Variants in C1GALT1 observed in about 807,000 individuals in gnomAD.
The protein encoded by C1GALT1 is core 1 synthase, glycoprotein-N-acetylgalactosamine 3-beta-galactosyltransferase 1, also known as glycoprotein-N-acetylgalactosamine 3-beta-galactosyltransferase 1.
A neutral mutation model predicts 31.0 loss-of-function variants in C1GALT1; 11 were observed. The ratio of observed to expected loss-of-function variants is 0.36; its 90% CI spans 0.22 to 0.59. The LOEUF (loss-of-function observed/expected upper bound fraction) is 0.59. C1GALT1 is among the 20% of genes least tolerant of loss of function. The pLI is 0.79. For synonymous variants in C1GALT1, 175 were observed against 143.6 expected, an observed-to-expected ratio of 1.22 and a Z score of -1.56; for missense variants, 424 against 425.2, an observed-to-expected ratio of 1.00 and a Z score of 0.03.
chr7:7,206,383 A>G (rs912678818), intron 1 of C1GALT1, among the ~76,000 whole-genome samples: 2 of 152,080 alleles, frequency 1.3e-5, no homozygotes, highest in African/African-American at 4.8e-5. Context: ...TCTTTTGGTA[A>G]TAAACTCTCT....
At chr7:7,184,707 T>C (rs1780736306) in intron 1 of C1GALT1, among the ~76,000 whole-genome samples, 1 of 152,210 alleles carries the variant, frequency 6.6e-6, no homozygotes, top group African/African-American at 2.4e-5. Context: ...TAAATAAACC[T>C]TAAGTAGAAA....
chr7:7,188,833 TA>T (rs1254394170), intron 1 of C1GALT1, among the ~76,000 whole-genome samples: 2 of 152,140 alleles, frequency 1.3e-5, no homozygotes, highest in African/African-American at 2.4e-5. Flanking sequence ...AGTGAAGGGG[TA>T]AATTAAAGTG....
At chr7:7,181,476 T>C (rs993251037), upstream of C1GALT1, among the ~76,000 whole-genome samples, 1 of 152,234 alleles carries the variant, frequency 6.6e-6, no homozygotes, top group East Asian at 1.9e-4. Context: ...GAGACATCTG[T>C]ATTAGAATCA....
intron 3 of C1GALT1, among the ~76,000 whole-genome samples, chr7:7,239,577 G>A (rs1340345224): frequency 6.6e-6 from 1 of 152,152 alleles, no homozygotes; most frequent in African/African-American, 2.4e-5. Context: ...TGGACATAAT[G>A]TACCTGTCTT....
At position 7,238,265 on chromosome 7, in the gene C1GALT1, A is replaced by G; in HGVS notation, c.231A>G (p.Thr77=). Residue 77 remains threonine, a synonymous_variant, in exon 3 of 4, where the codon ACA becomes ACG. Coordinates refer to ENST00000436587, the MANE Select transcript of C1GALT1 (RefSeq NM_020156.5). The surrounding 1 kb of genome is among the most constrained non-coding windows in gnomAD (Gnocchi z 5.2). The part of the protein sequence containing the change: ...ADSSQHKDEN[T]DIAENLYQKV... The stretch of plus-strand genomic sequence containing the variant: ...TGTTTTGTTTAATAGATGAGAACAC[A>G]GACATTGCTGAAAACCTCTATCAGA... 6.3e-7 allele frequency: 1 copy of G among 1,598,252 alleles called. No homozygotes were observed. The highest frequency in any genetic ancestry group is 8.5e-7 in the Non-Finnish European group (1 of 1,175,332).
At chr7:7,212,655 T>G (rs1782059826) in intron 1 of C1GALT1, among the ~76,000 whole-genome samples, 1 of 152,120 alleles carries the variant, frequency 6.6e-6, no homozygotes, top group Admixed American at 6.5e-5. Context: ...GGATTAGCAT[T>G]GGTTTTTAAA....
intron 2 of C1GALT1, among the ~76,000 whole-genome samples, chr7:7,172,578 TATG>T (rs748135934): frequency 2.6e-5 from 4 of 152,200 alleles, no homozygotes; most frequent in Non-Finnish European, 5.9e-5. Context: ...CCAAAACACA[TATG>T]CTGGTCCTCT....
At chr7:7,227,260 C>T (rs562943442) in intron 1 of C1GALT1, among the ~76,000 whole-genome samples, 1 of 152,250 alleles carries the variant, frequency 6.6e-6, no homozygotes, top group Admixed American at 6.5e-5. Flanking sequence ...TATTTGTCCC[C>T]TCTAAAACTC....
At chr7:7,205,036 T>A (rs1282518832) in intron 1 of C1GALT1, among the ~76,000 whole-genome samples, 1 of 152,210 alleles carries the variant, frequency 6.6e-6, no homozygotes, top group Non-Finnish European at 1.5e-5. Context: ...CTATGTCTGT[T>A]AGACCAAGTT....
intron 1 of C1GALT1, among the ~76,000 whole-genome samples, chr7:7,230,715 G>T (rs1015516012): frequency 2.8e-5 from 3 of 108,392 alleles, no homozygotes; most frequent in East Asian, 2.7e-4. Context: ...TTTACTGTTT[G>T]TTTGTTTAAA....
intron 2 of C1GALT1, among the ~76,000 whole-genome samples, chr7:7,166,692 A>T (rs75832055): frequency 6.6e-6 from 1 of 152,234 alleles, no homozygotes; most frequent in Non-Finnish European, 1.5e-5. Flanking sequence ...GTGTTATACT[A>T]TTTACAAATT....
intron 2 of C1GALT1, among the ~76,000 whole-genome samples, chr7:7,167,128 T>A (rs139635182): frequency 1.9e-4 from 29 of 152,322 alleles, no homozygotes; most frequent in African/African-American, 7.0e-4. Flanking sequence ...GGAAGACCAG[T>A]GGTTCAGCTG....
chr7:7,222,997 A>G (rs111704276), intron 1 of C1GALT1, among the ~76,000 whole-genome samples: 1 of 152,184 alleles, frequency 6.6e-6, no homozygotes, highest in African/African-American at 2.4e-5. Flanking sequence ...ATTAGAACAC[A>G]TACTTCTTAC....
chr7:7,186,695 A>G (rs1025990645), intron 1 of C1GALT1, among the ~76,000 whole-genome samples: 1 of 152,244 alleles, frequency 6.6e-6, no homozygotes, highest in African/African-American at 2.4e-5. Flanking sequence ...AGAGTGAGCC[A>G]TATGAGCACC....
chr7:7,223,009 A>G lies in C1GALT1; in HGVS notation c.-17-11294A>G, dbSNP rs542267594. Among the ~76,000 whole-genome samples, 4 of 152,320 alleles carry G rather than the reference A, an allele frequency of 2.6e-5. No individual in the cohort carries two copies. The South Asian group carries it at 8.3e-4, about 32-fold the overall frequency. ...GAAATTAGAACACATACTTCTTACAAGCACATTCTCTCCTATCCCCCTCTC... is the reference window on the plus strand; with the variant it reads ...GAAATTAGAACACATACTTCTTACAGGCACATTCTCTCCTATCCCCCTCTC... On this transcript the variant is annotated intron_variant, in intron 1 of 3. Coordinates refer to ENST00000436587, the MANE Select transcript of C1GALT1 (RefSeq NM_020156.5).
chr7:7,165,515 G>A (rs1228982676), intron 2 of C1GALT1, among the ~76,000 whole-genome samples: 1 of 152,130 alleles, frequency 6.6e-6, no homozygotes, highest in Non-Finnish European at 1.5e-5. Context: ...ACAGGTGTAG[G>A]AGAAATCAAA....
intron 1 of C1GALT1, among the ~76,000 whole-genome samples, chr7:7,232,039 ATT>A: frequency 6.6e-6 from 1 of 152,314 alleles, no homozygotes; most frequent in African/African-American, 2.4e-5. Flanking sequence ...GACTTTGGAC[ATT>A]AATTTTTGCT....
chr7:7,205,135 G>T (rs1781683157), intron 1 of C1GALT1, among the ~76,000 whole-genome samples: 1 of 151,972 alleles, frequency 6.6e-6, no homozygotes, highest in Admixed American at 6.6e-5. Context: ...TGTTATCATA[G>T]AACTATTTCT....
At position 7,244,609 on chromosome 7, in the gene C1GALT1, C is replaced by G. The variant is rs1455372469; in HGVS notation, c.*882C>G. ...ATGCTTTTCTTATAACAGTGCCACT[C>G]TCAGGAATTACTAAGTGACATTTTA... On this transcript the variant is annotated 3_prime_UTR_variant, in exon 4 of 4. Coordinates refer to ENST00000436587, the MANE Select transcript of C1GALT1 (RefSeq NM_020156.5). The G allele has an allele frequency of 6.6e-6, 1 of 152,136 alleles. No homozygotes were observed. Among genetic ancestry groups the G allele is most frequent in the Admixed American group, 6.5e-5 (1 of 15,274 alleles). The allele number at this position is 152,136 out of a possible 1,614,324, so 9.4% of individuals were successfully genotyped here.
Sources: allele counts gnomAD v4.1 joint callset (sites outside exome capture counted in the v4.1 genomes callset), GRCh38; gene constraint gnomAD v4.1.1; non-coding constraint Gnocchi (gnomAD v3.1); transcripts MANE v1.5; gene names NCBI Gene and HGNC (gene_info 2026-07-23, HGNC 2026-07-21).